TNC: variants seen among roughly 807,000 people sequenced by gnomAD.
TNC encodes tenascin.
Under a neutral mutation model 202.4 loss-of-function variants are expected in TNC, and 109 were observed. The ratio of observed to expected loss-of-function variants is 0.54; its 90% confidence interval spans 0.46 to 0.63. The LOEUF (loss-of-function observed/expected upper bound fraction) is 0.63, where lower values mean the gene tolerates loss of function less well. TNC is among the 30% of genes least tolerant of loss of function. TNC has a pLI of 0.00. For missense variants in TNC, 2,756 were observed against 2,833.3 expected, an observed-to-expected ratio of 0.97 and a Z score of 0.62; for synonymous variants, 1,007 against 1,089.7, an observed-to-expected ratio of 0.92 and a Z score of 1.50.
At chr9:115,029,234 T>A (rs775251478) in intron 25 of TNC, 126 bp downstream of exon 25, 16 of 756,576 alleles carry the variant, frequency 2.1e-5, no homozygotes, top group Non-Finnish European at 3.4e-5. Context: ...TGACATTCTG[T>A]GTCTGCCACC....
At chr9:115,097,233 C>T (rs1835863948) in intron 1 of TNC, among the ~76,000 whole-genome samples, 1 of 152,180 alleles carries the variant, frequency 6.6e-6, no homozygotes, top group African/African-American at 2.4e-5. Flanking sequence ...CCTCAATTTC[C>T]CCGCCTCCTC....
chr9:115,024,761 T>C (rs1401680738), intron 26 of TNC, among the ~76,000 whole-genome samples: 1 of 152,246 alleles, frequency 6.6e-6, no homozygotes, highest in Non-Finnish European at 1.5e-5. Flanking sequence ...CATCAGACCA[T>C]GTTCCGTGAT....
At chr9:115,054,595 C>A (rs565711896) in intron 15 of TNC, among the ~76,000 whole-genome samples, 4 of 152,122 alleles carry the variant, frequency 2.6e-5, no homozygotes, top group Non-Finnish European at 5.9e-5. Context: ...CCTCCAGCTG[C>A]CTCTCAAAGG....
chr9:115,068,343 G>A (rs1222849681), intron 10 of TNC, among the ~76,000 whole-genome samples: 2 of 152,198 alleles, frequency 1.3e-5, no homozygotes, highest in South Asian at 2.1e-4. Context: ...TGAGCAGCTG[G>A]TCTGGAGGAA....
In TNC at chr9:115,076,260, A is replaced by G. The variant is rs2274834; in HGVS notation, c.2860+130T>C. ...TTTACAAAAGAACTCACTGCAATCC[A>G]ATAAGCAGTATTTCAGGAAATTGGA... On this transcript the variant is annotated intron_variant, in intron 8 of 27. Coordinates refer to ENST00000350763, the MANE Select transcript of TNC (RefSeq NM_002160.4). 4.1e-4 allele frequency: 575 copies of G among 1,397,004 alleles called. 4 individuals are homozygous for G. The East Asian group carries it at 0.011, about 27-fold the overall frequency. 86.5% of individuals were successfully genotyped at this position (1,397,004 alleles called of 1,614,324 possible). A position where few individuals can be genotyped will look rare whatever the true frequency, so the allele number is the denominator to read the frequency against.
intron 20 of TNC, among the ~76,000 whole-genome samples, chr9:115,037,349 T>C (rs1830407888): frequency 6.6e-6 from 1 of 152,156 alleles, no homozygotes; most frequent in Non-Finnish European, 1.5e-5. Flanking sequence ...CATTACAAAA[T>C]GGAGGGGTTC....
At chr9:115,032,428 A>C (rs1411353789) in intron 22 of TNC, among the ~76,000 whole-genome samples, 1 of 152,214 alleles carries the variant, frequency 6.6e-6, no homozygotes, top group African/African-American at 2.4e-5. Flanking sequence ...CAATGACATA[A>C]ACCAAGCTGT....
At chr9:115,114,288 G>A (rs909303998) in intron 1 of TNC, among the ~76,000 whole-genome samples, 8 of 152,212 alleles carry the variant, frequency 5.3e-5, no homozygotes, top group African/African-American at 1.7e-4. Flanking sequence ...TGAGGCTTCC[G>A]CTGAATTTGT....
intron 1 of TNC, among the ~76,000 whole-genome samples, chr9:115,095,528 A>C (rs1332872854): frequency 7.9e-4 from 1 of 1,268 alleles, no homozygotes; most frequent in Non-Finnish European, 1.3e-3. Context: ...ATATATGTAT[A>C]TATATATGTA....
At chr9:115,088,099 T>G (rs149862662) in intron 2 of TNC, among the ~76,000 whole-genome samples, 13 of 152,352 alleles carry the variant, frequency 8.5e-5, no homozygotes, top group African/African-American at 3.1e-4. Context: ...GACTTTTTGA[T>G]TCAATATCTA....
At chr9:115,051,117 T>G (rs1341307760) in intron 15 of TNC, among the ~76,000 whole-genome samples, 1 of 152,168 alleles carries the variant, frequency 6.6e-6, no homozygotes, top group Non-Finnish European at 1.5e-5. Context: ...TGAGGCTTTT[T>G]GGGCTAGAAT....
intron 2 of TNC, among the ~76,000 whole-genome samples, chr9:115,089,807 C>G (rs1835079483): frequency 6.6e-6 from 1 of 152,172 alleles, no homozygotes; most frequent in South Asian, 2.1e-4. Context: ...GCCAAAGACC[C>G]TATCTCTTAT....
Position 115,021,069 on chromosome 9 carries a change from G to A in TNC, c.*88C>T, listed in dbSNP as rs945280691. The A allele has an allele frequency of 2.8e-5, 32 of 1,128,304 alleles. No individual in the cohort carries two copies. The highest frequency in any genetic ancestry group is 4.6e-5 in the African/African-American group (3 of 64,968). 69.9% of individuals were successfully genotyped at this position (1,128,304 alleles called of 1,614,324 possible). On this transcript the variant is annotated 3_prime_UTR_variant, in exon 28 of 28. Transcript: ENST00000350763. The stretch of plus-strand genomic sequence containing the variant: ...CTCACCAAATGCCCAGGTGTGGACC[G>A]ATGGTTGGGCTGGTTGTATTGATGC...
At chr9:115,102,056 A>G (rs1836278501) in intron 1 of TNC, among the ~76,000 whole-genome samples, 1 of 152,190 alleles carries the variant, frequency 6.6e-6, no homozygotes, top group Non-Finnish European at 1.5e-5. Context: ...TTCACATACA[A>G]TTATGAGATA....
chr9:115,057,994 C>A (rs747560837), intron 14 of TNC, among the ~76,000 whole-genome samples: 2 of 152,158 alleles, frequency 1.3e-5, no homozygotes, highest in African/African-American at 2.4e-5. Flanking sequence ...CAGTGTAATT[C>A]TTGGTATTTT....
intron 1 of TNC, among the ~76,000 whole-genome samples, chr9:115,093,645 G>A (rs1199156512): frequency 2.7e-5 from 4 of 149,928 alleles, no homozygotes; most frequent in African/African-American, 9.8e-5. Context: ...TTTAGAAAGG[G>A]CCATGGGCCA....
intron 1 of TNC, among the ~76,000 whole-genome samples, chr9:115,098,863 C>T (rs1390434834): frequency 6.6e-6 from 1 of 152,016 alleles, no homozygotes; most frequent in Admixed American, 6.5e-5. Context: ...ACCCTTTGTC[C>T]TTCCCAACAT....
chr9:115,101,441 G>A (rs1186244980), intron 1 of TNC, among the ~76,000 whole-genome samples: 2 of 152,142 alleles, frequency 1.3e-5, no homozygotes, highest in African/African-American at 4.8e-5. Flanking sequence ...TCGAACTCCT[G>A]ACCTCAGGTG....
At chr9:115,114,542 A>G (rs1166564302) in intron 1 of TNC, among the ~76,000 whole-genome samples, 2 of 152,184 alleles carry the variant, frequency 1.3e-5, no homozygotes, top group African/African-American at 4.8e-5. Context: ...GAGTTGCACC[A>G]TTGAGAGCTG....
Sources: gnomAD v4.1 joint callset for allele counts (sites outside exome capture counted in the v4.1 genomes callset) on GRCh38, gnomAD v4.1.1 for gene constraint, MANE v1.5 for transcripts, NCBI Gene and HGNC (gene_info 2026-07-23, HGNC 2026-07-21) for gene names.